KCTD2: variants seen among roughly 807,000 people sequenced by gnomAD.
KCTD2 encodes the protein BTB/POZ domain-containing protein KCTD2.
Under a neutral mutation model 27.9 loss-of-function variants are expected in KCTD2, and 18 were observed. The ratio of observed to expected loss-of-function variants is 0.64; its 90% confidence interval spans 0.45 to 0.96. The LOEUF is 0.96. Ranked by LOEUF, KCTD2 falls within the 40% of genes least tolerant of loss-of-function variation. The probability of loss-of-function intolerance (pLI) is 0.00; values close to 1 mark genes in which losing one functional copy is unlikely to be tolerated. For synonymous variants in KCTD2, 175 were observed against 148.4 expected, an observed-to-expected ratio of 1.18 and a Z score of -1.30; for missense variants, 280 against 348.0, an observed-to-expected ratio of 0.80 and a Z score of 1.56.
rs1461899391 is a variant in KCTD2 at position 75,065,418 on chromosome 17, G to A, written c.*2371G>A. On this transcript the variant is annotated 3_prime_UTR_variant, in exon 6 of 6. Coordinates refer to ENST00000322444, the MANE Select transcript of KCTD2 (RefSeq NM_015353.3). ...CAGAGAGGTCTGCGTGGCAGTTTGG[G>A]GCTGTCACGTGACCAGTGACCCACA... The A allele has an allele frequency of 2.0e-5, 3 of 152,160 alleles. No homozygotes were observed. The highest frequency in any genetic ancestry group is 7.2e-5 in the African/African-American group (3 of 41,416). The allele number at this position is 152,160 out of a possible 1,614,324, so 9.4% of individuals were successfully genotyped here.
At chr17:75,034,460 C>T (rs1011782997) in intron 2 of KCTD2, among the ~76,000 whole-genome samples, 5 of 152,286 alleles carry the variant, frequency 3.3e-5, no homozygotes, top group South Asian at 2.1e-4. Context: ...ACCCACAATC[C>T]CTGGCTTAGG....
At chr17:75,042,219 C>G in intron 3 of KCTD2, 1 of 1,614,216 alleles carries the variant, frequency 6.2e-7, no homozygotes, top group African/African-American at 1.3e-5. Flanking sequence ...GCCTTGGCCA[C>G]ATTGGCCTTG....
rs201343144 is a variant in KCTD2, at chr17:75,049,335, G to A, written c.448+7G>A. Reference sequence around the variant, plus strand: ...AAGGAGTTGGCAGAAGAAGGTAAGCGCACTGTTTGCATTGGGGATTTTCAA... The same window carrying A: ...AAGGAGTTGGCAGAAGAAGGTAAGCACACTGTTTGCATTGGGGATTTTCAA... On this transcript the variant is annotated splice_region_variant and intron_variant, in intron 2 of 5. Transcript: ENST00000322444. 8.0e-6 allele frequency: 12 copies of A among 1,497,362 alleles called. No individual in the cohort carries two copies. The East Asian group carries it at 1.1e-4, about 14-fold the overall frequency. 92.8% of individuals were successfully genotyped at this position (1,497,362 alleles called of 1,614,324 possible).
intron 1 of KCTD2, among the ~76,000 whole-genome samples, chr17:75,048,343 G>A (rs1005335410): frequency 1.3e-5 from 2 of 151,966 alleles, no homozygotes; most frequent in African/African-American, 2.4e-5. Context: ...TTAACTTTAC[G>A]TATTCACCTT....
Position 75,063,200 on chromosome 17 carries a change from AC to A in KCTD2, c.*154del, listed in dbSNP as rs1297885931. On this transcript the variant is annotated 3_prime_UTR_variant, in exon 6 of 6. Transcript: ENST00000322444. Reference sequence around the variant, plus strand: ...AAGTGTTCTGGTCAAAACTAAAGGAACTCCCTCCCCACCTGCAGGACTCCGA... The same window carrying A: ...AAGTGTTCTGGTCAAAACTAAAGGAATCCCTCCCCACCTGCAGGACTCCGA... 1 of 714,738 alleles carries A rather than the reference AC, an allele frequency of 1.4e-6. No homozygotes were observed. Among genetic ancestry groups the A allele is most frequent in the African/African-American group, 1.8e-5 (1 of 56,010 alleles). 44.3% of individuals were successfully genotyped at this position (714,738 alleles called of 1,614,324 possible). A position where few individuals can be genotyped will look rare whatever the true frequency, so the allele number is the denominator to read the frequency against.
At chr17:75,053,558 A>G (rs938647727) in intron 3 of KCTD2, among the ~76,000 whole-genome samples, 18 of 151,974 alleles carry the variant, frequency 1.2e-4, no homozygotes, top group Admixed American at 2.6e-4. Context: ...CTCCTGCCTC[A>G]GCCTCCCGTG....
At chr17:75,051,515 A>C (rs529207788) in intron 2 of KCTD2, among the ~76,000 whole-genome samples, 27 of 148,784 alleles carry the variant, frequency 1.8e-4, no homozygotes, top group African/African-American at 6.0e-4. Flanking sequence ...TGAACTCCTG[A>C]CCTCGTGATC....
rs906771110 is a variant in KCTD2 at position 75,059,700 on chromosome 17, G to A, written c.636+95G>A. ...GTGGATGGCCAATTAATAACCACGG[G>A]AGACGGCTACGGCCAGGTGGGATCC... On this transcript the variant is annotated intron_variant, in intron 4 of 5. Coordinates refer to ENST00000322444, the MANE Select transcript of KCTD2 (RefSeq NM_015353.3). 4.3e-6 allele frequency: 4 copies of A among 939,198 alleles called. No homozygotes were observed. The African/African-American group carries it at 6.5e-5, about 15-fold the overall frequency. The allele number at this position is 939,198 out of a possible 1,614,324, so 58.2% of individuals were successfully genotyped here. A position where few individuals can be genotyped will look rare whatever the true frequency, so the allele number is the denominator to read the frequency against.
chr17:75,035,896 C>T (rs548327664), intron 3 of KCTD2, among the ~76,000 whole-genome samples: 1 of 152,314 alleles, frequency 6.6e-6, no homozygotes, highest in South Asian at 2.1e-4. Context: ...AGTGGGGGTG[C>T]TGCCCAACTC....
chr17:75,053,244 C>G (rs1486379782), intron 3 of KCTD2, 139 bp downstream of exon 3: 12 of 671,386 alleles, frequency 1.8e-5, no homozygotes, highest in Non-Finnish European at 3.2e-5. Context: ...AATGCACACT[C>G]AGCCAAACTG....
chr17:75,061,062 T>G (rs553887765), intron 4 of KCTD2, among the ~76,000 whole-genome samples: 1 of 152,384 alleles, frequency 6.6e-6, no homozygotes, highest in Admixed American at 6.5e-5. Context: ...AAGGATTTTT[T>G]TAATGTATTC....
intron 5 of KCTD2, among the ~76,000 whole-genome samples, chr17:75,062,598 C>G (rs1316146014): frequency 6.6e-6 from 1 of 151,924 alleles, no homozygotes; most frequent in Non-Finnish European, 1.5e-5. Context: ...TTTTCACTGC[C>G]TCAGGAGAAA....
At position 75,059,705 on chromosome 17, in the gene KCTD2, G is replaced by A. The variant is rs534292110; in HGVS notation, c.636+100G>A. 108 of 879,066 alleles carry A rather than the reference G, an allele frequency of 1.2e-4. No individual in the cohort carries two copies. The East Asian group carries it at 2.3e-3, about 19-fold the overall frequency. 54.5% of individuals were successfully genotyped at this position (879,066 alleles called of 1,614,324 possible). A position where few individuals can be genotyped will look rare whatever the true frequency, so the allele number is the denominator to read the frequency against. ...TGGCCAATTAATAACCACGGGAGAC[G>A]GCTACGGCCAGGTGGGATCCTATTC... On this transcript the variant is annotated intron_variant, in intron 4 of 5. Coordinates refer to ENST00000322444, the MANE Select transcript of KCTD2 (RefSeq NM_015353.3).
intron 3 of KCTD2, among the ~76,000 whole-genome samples, chr17:75,038,038 G>C (rs529633747): frequency 2.6e-5 from 4 of 152,156 alleles, no homozygotes; most frequent in South Asian, 2.1e-4. Flanking sequence ...GACAGAGTGA[G>C]ACTCCATCTT....
rs143500616 is a variant in KCTD2, at chr17:75,032,845, C to G, written c.-470+121C>G. On this transcript the variant is annotated intron_variant, in intron 1 of 7. Transcript: ENST00000581589. The surrounding 1 kb of genome is among the most constrained non-coding windows in gnomAD (Gnocchi z 4.8). ...GGGGCAGAGTGCTGGATCCCAGCAACGGACAAGTTAGTTAACTTAAAGGGG... is the reference window on the plus strand; with the variant it reads ...GGGGCAGAGTGCTGGATCCCAGCAAGGGACAAGTTAGTTAACTTAAAGGGG... The G allele has an allele frequency of 6.6e-6, 1 of 152,270 alleles. No homozygotes were observed. Among genetic ancestry groups the G allele is most frequent in the Non-Finnish European group, 1.5e-5 (1 of 68,100 alleles). The allele number at this position is 152,270 out of a possible 1,614,324, so 9.4% of individuals were successfully genotyped here. A position where few individuals can be genotyped will look rare whatever the true frequency, so the allele number is the denominator to read the frequency against.
At chr17:75,054,809 CAAA>C (rs200278221) in intron 3 of KCTD2, among the ~76,000 whole-genome samples, 4 of 106,226 alleles carry the variant, frequency 3.8e-5, no homozygotes, top group African/African-American at 3.5e-5. Context: ...GACTCCATCT[CAAA>C]AAAAAAAAAA....
intron 2 of KCTD2, among the ~76,000 whole-genome samples, chr17:75,051,415 C>T (rs1281514159): frequency 2.0e-5 from 3 of 150,142 alleles, no homozygotes; most frequent in African/African-American, 7.4e-5. Flanking sequence ...CTCCTGAGTA[C>T]CTGGGATTAC....
At chr17:75,034,015 TTTCTC>T (rs2040090117) in intron 1 of KCTD2, 1 of 152,178 alleles carries the variant, frequency 6.6e-6, no homozygotes, top group Non-Finnish European at 1.5e-5. Context: ...TTTTATTTCT[TTTCTC>T]TTCCCTTCTC....
At chr17:75,060,231 A>T (rs1026061049) in intron 4 of KCTD2, among the ~76,000 whole-genome samples, 9 of 145,768 alleles carry the variant, frequency 6.2e-5, no homozygotes, top group African/African-American at 2.0e-4. Context: ...AGTAAATACA[A>T]TTTTTTTTTT....
Sources: gnomAD v4.1 joint callset for allele counts (sites outside exome capture counted in the v4.1 genomes callset) on GRCh38, gnomAD v4.1.1 for gene constraint, Gnocchi (gnomAD v3.1) non-coding constraint, MANE v1.5 for transcripts, NCBI Gene and HGNC (gene_info 2026-07-23, HGNC 2026-07-21) for gene names.